The following SLC4A5 variants were observed in gnomAD, a reference collection of about 807,000 sequenced individuals.
The protein encoded by SLC4A5 is solute carrier family 4 member 5, also known as electrogenic sodium bicarbonate cotransporter 4.
SLC4A5 carries 96 observed loss-of-function variants against 120.4 expected under a neutral mutation model. The observed-to-expected ratio is 0.80, with a 90% confidence interval of 0.68 to 0.94. SLC4A5 has a LOEUF of 0.94. Among genes scored for constraint, SLC4A5 ranks in the 40% least tolerant of loss-of-function variants. SLC4A5 has a pLI of 0.00. For synonymous variants in SLC4A5, 550 were observed against 571.1 expected, an observed-to-expected ratio of 0.96 and a Z score of 0.53; for missense variants, 1,259 against 1,459.5, an observed-to-expected ratio of 0.86 and a Z score of 2.24.
At chr2:74,310,821 G>C (rs1365544089) in intron 6 of SLC4A5, among the ~76,000 whole-genome samples, 1 of 152,004 alleles carries the variant, frequency 6.6e-6, no homozygotes, top group African/African-American at 2.4e-5. Context: ...CATGGGATTA[G>C]TTAGAAAGCA....
intron 5 of SLC4A5, among the ~76,000 whole-genome samples, chr2:74,325,404 C>A (rs929395117): frequency 2.6e-5 from 4 of 152,164 alleles, no homozygotes; most frequent in African/African-American, 9.7e-5. Context: ...GTGCTAGATC[C>A]CAACTTCTCA....
intron 8 of SLC4A5, among the ~76,000 whole-genome samples, chr2:74,269,608 T>C (rs1049313419): frequency 1.3e-5 from 2 of 152,126 alleles, no homozygotes; most frequent in African/African-American, 2.4e-5. Flanking sequence ...TTGCCTTTTA[T>C]TGTTTTTTTT....
intron 17 of SLC4A5, among the ~76,000 whole-genome samples, chr2:74,249,716 G>T (rs1329068294): frequency 6.6e-6 from 1 of 152,144 alleles, no homozygotes; most frequent in African/African-American, 2.4e-5. Context: ...TGTGTGAACT[G>T]GGGGATCCTG....
At chr2:74,223,523 C>G (rs1314388487) in intron 28 of SLC4A5, among the ~76,000 whole-genome samples, 1 of 152,182 alleles carries the variant, frequency 6.6e-6, no homozygotes, top group Non-Finnish European at 1.5e-5. Flanking sequence ...TCACAGCAAC[C>G]AGTCACTTGG....
intron 7 of SLC4A5, among the ~76,000 whole-genome samples, chr2:74,287,115 T>C (rs1241681793): frequency 6.6e-6 from 1 of 152,188 alleles, no homozygotes; most frequent in Non-Finnish European, 1.5e-5. Flanking sequence ...CATCAGGTCT[T>C]CCCTTCCTCC....
Position 74,255,675 on chromosome 2 carries a change from G to T in SLC4A5, c.1025+100C>A. 7.3e-7 allele frequency: 1 copy of T among 1,372,108 alleles called. No homozygotes were observed. The highest frequency in any genetic ancestry group is 1.0e-6 in the Non-Finnish European group (1 of 996,012). The allele number at this position is 1,372,108 out of a possible 1,614,324, so 85.0% of individuals were successfully genotyped here. On this transcript the variant is annotated intron_variant, in intron 13 of 30. Coordinates refer to ENST00000394019, the Ensembl canonical transcript of SLC4A5. This position sits in a 1 kb window ranked among gnomAD's most constrained non-coding sequence, Gnocchi z 4.0. ...TTCCCAGCAGCCTCCACGTTTAGAG[G>T]TGCCTTTGAGAACACTAACAGTCAA...
At chr2:74,235,302 G>A (rs1670235154) in intron 21 of SLC4A5, 88 bp from the exon 22 acceptor site, 1 of 915,844 alleles carries the variant, frequency 1.1e-6, no homozygotes, top group Non-Finnish European at 1.7e-6. Context: ...GCAAAGAGGT[G>A]AACTATTACA....
At chr2:74,305,443 C>A (rs912752592) in intron 6 of SLC4A5, among the ~76,000 whole-genome samples, 2 of 152,150 alleles carry the variant, frequency 1.3e-5, no homozygotes, top group Admixed American at 6.5e-5. Flanking sequence ...CGACCCTAAT[C>A]CTACCTCTGC....
chr2:74,300,829 C>G (rs3771735), intron 7 of SLC4A5, among the ~76,000 whole-genome samples: 19,570 of 152,208 alleles, frequency 0.13, 2,715 homozygotes, highest in East Asian at 0.35. Flanking sequence ...GGAGCCAGTA[C>G]AAGAAGGACA....
chr2:74,271,219 G>A (rs1333951315), intron 8 of SLC4A5, among the ~76,000 whole-genome samples: 1 of 152,110 alleles, frequency 6.6e-6, no homozygotes, highest in Non-Finnish European at 1.5e-5. Flanking sequence ...CCACTGCCCA[G>A]CGAGAATGCC....
rs1425020475 is a variant in SLC4A5 at position 74,284,326 on chromosome 2, G to A, written c.401+1447C>T. ...CGAGTAGCTGGGACTACAGGCGCCC[G>A]CCACCGCGCCCGGCTAATTTTTTTT... On this transcript the variant is annotated intron_variant, in intron 8 of 30. Transcript: ENST00000394019. Among the ~76,000 whole-genome samples the A allele has an allele frequency of 2.6e-5, 3 of 117,430 alleles. 1 individual carries two copies. The highest frequency in any genetic ancestry group is 1.0e-4 in the African/African-American group (2 of 20,004). The allele number at this position is 117,430 out of a possible 152,430, so 77.0% of individuals were successfully genotyped here.
At chr2:74,340,179 T>C (rs1026174423) in intron 2 of SLC4A5, among the ~76,000 whole-genome samples, 1 of 152,198 alleles carries the variant, frequency 6.6e-6, no homozygotes, top group Non-Finnish European at 1.5e-5. Flanking sequence ...CATTCAAAAA[T>C]AGTTAAAATG....
At chr2:74,330,964 AGATGGTGGTGGTGAGGT>A (rs1673350918) in intron 4 of SLC4A5, among the ~76,000 whole-genome samples, 3 of 148,020 alleles carry the variant, frequency 2.0e-5, no homozygotes, top group African/African-American at 5.0e-5. Flanking sequence ...GGTGAGGTGT[AGATGGTGGTGGTGAGGT>A]CTAGATGGAG....
chr2:74,316,892 C>G (rs1414643113), intron 5 of SLC4A5, among the ~76,000 whole-genome samples: 2 of 152,242 alleles, frequency 1.3e-5, no homozygotes, highest in Admixed American at 1.3e-4. Flanking sequence ...TTTACAGAGG[C>G]TGTGCACTTG....
chr2:74,237,339 C>T (rs983644800), intron 21 of SLC4A5, among the ~76,000 whole-genome samples: 2 of 152,162 alleles, frequency 1.3e-5, no homozygotes, highest in African/African-American at 4.8e-5. Flanking sequence ...TTTCATGCCA[C>T]ATGAATTACT....
At position 74,263,990 on chromosome 2, in the gene SLC4A5, G is replaced by T. The variant is rs561761880; in HGVS notation, c.715+157C>A. On this transcript the variant is annotated intron_variant, in intron 10 of 30. Transcript: ENST00000394019. Reference sequence around the variant, plus strand: ...TGGGAACAACACGGGAGTGTGGCTGGGGTCCCCACAGGCCTGCCAGAGAAG... The same window carrying T: ...TGGGAACAACACGGGAGTGTGGCTGTGGTCCCCACAGGCCTGCCAGAGAAG... Among the ~76,000 whole-genome samples, 50 of 152,328 alleles carry T rather than the reference G, an allele frequency of 3.3e-4. No homozygotes were observed. The South Asian group carries it at 7.0e-3, about 21-fold the overall frequency.
At chr2:74,340,645 G>GA (rs1558921693) in intron 2 of SLC4A5, among the ~76,000 whole-genome samples, 1 of 152,194 alleles carries the variant, frequency 6.6e-6, no homozygotes, top group Non-Finnish European at 1.5e-5. Flanking sequence ...GTTACAGCAA[G>GA]AATCTGTAAA....
At position 74,250,537 on chromosome 2, in the gene SLC4A5, G is replaced by T; in HGVS notation, c.1479-20C>A. ...AAGAACCTGCTCAAGACAGGCCCAG[G>T]GGCTGCTTTCTCACCACTAACACCA... is the stretch of plus-strand genomic sequence containing the variant. On this transcript the variant is annotated intron_variant, in intron 16 of 30. Coordinates refer to ENST00000394019, the Ensembl canonical transcript of SLC4A5. The T allele has an allele frequency of 6.2e-7, 1 of 1,613,668 alleles. No homozygotes were observed. The highest frequency in any genetic ancestry group is 8.5e-7 in the Non-Finnish European group (1 of 1,179,776).
At chr2:74,291,069 G>C (rs1558898047) in intron 7 of SLC4A5, among the ~76,000 whole-genome samples, 2 of 152,142 alleles carry the variant, frequency 1.3e-5, no homozygotes. Flanking sequence ...GTCTCACACT[G>C]ACCAAGCAGT....
Sources: gnomAD v4.1 joint callset for allele counts (sites outside exome capture counted in the v4.1 genomes callset) on GRCh38, gnomAD v4.1.1 for gene constraint, Gnocchi (gnomAD v3.1) non-coding constraint, MANE v1.5 for transcripts, NCBI Gene and HGNC (gene_info 2026-07-23, HGNC 2026-07-21) for gene names.